MRPL52: variants seen among roughly 807,000 people sequenced by gnomAD.
MRPL52 encodes large ribosomal subunit protein mL52.
MRPL52 carries 19 observed loss-of-function variants against 22.1 expected under a neutral mutation model. The observed-to-expected ratio is 0.86, with a 90% CI of 0.60 to 1.26. The LOEUF (loss-of-function observed/expected upper bound fraction) is 1.26, where lower values mean the gene tolerates loss of function less well. MRPL52 is among the 50% of genes most tolerant of loss of function. The pLI is 0.00. For synonymous variants in MRPL52, 50 were observed against 57.5 expected (o/e 0.87, Z 0.59); for missense variants, 152 against 148.1 (o/e 1.03, Z -0.14).
intron 3 of MRPL52, chr14:22,831,279 A>AT (rs200349955): frequency 0.021 from 7,515 of 360,760 alleles, 4 homozygotes; most frequent in Middle Eastern, 0.027. Context: ...TTCCTGGCTA[A>AT]TTTTTTTTTT....
chr14:22,832,330 TC>T (rs1244785863), intron 3 of MRPL52, among the ~76,000 whole-genome samples: 3 of 151,930 alleles, frequency 2.0e-5, no homozygotes, highest in Non-Finnish European at 4.4e-5. Context: ...CTTAAGAGTT[TC>T]TGGTTTTTTT....
chr14:22,830,152 G>T, intron 2 of MRPL52, 35 bp from the exon 3 acceptor site: 1 of 1,614,182 alleles, frequency 6.2e-7, no homozygotes, highest in Non-Finnish European at 8.5e-7. Context: ...CAGAAGCTGG[G>T]CTAGGTCCTC....
At chr14:22,830,733 AG>A in intron 3 of MRPL52, 1 of 459,782 alleles carries the variant, frequency 2.2e-6, no homozygotes, top group Non-Finnish European at 3.8e-6. Flanking sequence ...CAAAAGAGAG[AG>A]GGAGGGAGAA....
In MRPL52 at chr14:22,830,303, A is replaced by G. The variant is rs772532390; in HGVS notation, c.154+49A>G. On this transcript the variant is annotated intron_variant, in intron 3 of 4. Transcript: ENST00000397496. ...CTCCACTGGGGAGATTTTCACCTAG[A>G]GGGAACGCCCCTGGACGGGGAGCTG... The G allele has an allele frequency of 2.5e-6, 4 of 1,599,110 alleles. No homozygotes were observed. The East Asian group carries it at 6.7e-5, about 27-fold the overall frequency.
intron 3 of MRPL52, among the ~76,000 whole-genome samples, chr14:22,832,965 G>T (rs1225068694): frequency 6.6e-6 from 1 of 152,012 alleles, no homozygotes; most frequent in Non-Finnish European, 1.5e-5. Context: ...GGATCACGAG[G>T]TCAAGAGATC....
rs2039668323 is a variant in MRPL52, at chr14:22,833,460, A to G, written c.197A>G (p.Lys66Arg). 3.7e-6 allele frequency: 6 copies of G among 1,613,806 alleles called. No homozygotes were observed. In the South Asian group the frequency reaches 4.4e-5, roughly 12 times the overall value. The change falls in exon 4 of 5, where the codon AAA becomes AGA. Residue 66 changes from lysine (K) to arginine (R), a missense_variant. Coordinates refer to ENST00000397496, the MANE Select transcript of MRPL52 (RefSeq NM_180982.3). ...CCAATGAAAGGCCAGCTTCGAAGAA[A>G]AGCTGAAAGGGAGACGTTTGCAGTG... The part of the protein sequence containing the change: ...APPMKGQLRR[K>R]AERETFARRV...
In MRPL52 at chr14:22,829,926, G is replaced by A. The variant is rs1135641; in HGVS notation, c.14G>A (p.Gly5Glu). The A allele has an allele frequency of 6.2e-7, 1 of 1,602,300 alleles. No individual in the cohort carries two copies. The highest frequency in any genetic ancestry group is 8.5e-7 in the Non-Finnish European group (1 of 1,174,018). The change falls in exon 1 of 5, where the codon GGG becomes GAG. Residue 5 changes from glycine to glutamate, a missense_variant. Transcript: ENST00000397496. ...CTCCTGCTCAGCATGGCTGCTTTAG[G>A]GACTGTTCTCTTCAGTGAGTGGGTA... MAAL[G>E]TVLFSVRRLH...
At position 22,833,215 on chromosome 14, in the gene MRPL52, T is replaced by G. The variant is rs1351949802; in HGVS notation, c.155-203T>G. 4 of 523,908 alleles carry G rather than the reference T, an allele frequency of 7.6e-6. No individual in the cohort carries two copies. The African/African-American group carries it at 7.8e-5, about 10-fold the overall frequency. 32.5% of individuals were successfully genotyped at this position (523,908 alleles called of 1,614,324 possible). ...AATGAAATAAAATGAAATAGAGTAG[T>G]AATATGTCTAGGAGCTTATTCTGGG... is the stretch of plus-strand genomic sequence containing the variant. On this transcript the variant is annotated intron_variant, in intron 3 of 4. Coordinates refer to ENST00000397496, the MANE Select transcript of MRPL52 (RefSeq NM_180982.3).
At chr14:22,830,892 A>C (rs2039593498) in intron 3 of MRPL52, 1 of 1,092,392 alleles carries the variant, frequency 9.2e-7, no homozygotes, top group Non-Finnish European at 1.3e-6. Context: ...CAAATCCAGG[A>C]CTAGAACATA....
chr14:22,834,118 A>G, intron 4 of MRPL52, 54 bp from the exon 5 acceptor site: 1 of 1,579,448 alleles, frequency 6.3e-7, no homozygotes, highest in Non-Finnish European at 8.6e-7. Flanking sequence ...AAGGATATAT[A>G]GTATAGCGCT....
At chr14:22,831,085 C>T (rs1300380823) in intron 3 of MRPL52, 5 of 461,120 alleles carry the variant, frequency 1.1e-5, no homozygotes, top group African/African-American at 9.0e-5. Context: ...ATTGGAAAGA[C>T]TCTGGAATTA....
intron 3 of MRPL52, 62 bp downstream of exon 3, chr14:22,830,316 G>A (rs760780535): frequency 1.4e-5 from 22 of 1,572,598 alleles, no homozygotes; most frequent in South Asian, 4.4e-5. Context: ...GAACGCCCCT[G>A]GACGGGGAGC....
chr14:22,829,966 G>A (rs1194439748), intron 1 of MRPL52, 26 bp downstream of exon 1: 2 of 1,611,910 alleles, frequency 1.2e-6, no homozygotes, highest in Admixed American at 3.4e-5. Context: ...TAGGGACCGT[G>A]GACTCGGGGG....
chr14:22,834,243 G>A lies in MRPL52; in HGVS notation c.291G>A (p.Leu97=). ...LQAWQLRQQK[L]QEEQRKQENA... is the part of the protein sequence containing the mutation. ...CATGGCAGCTCAGGCAGCAGAAGTT[G>A]CAGGAAGAACAAAGGAAGCAGGAAA... The change falls in exon 5 of 5, where the codon TTG becomes TTA. Residue 97 remains leucine, a synonymous_variant. Coordinates refer to ENST00000397496, the MANE Select transcript of MRPL52 (RefSeq NM_180982.3). 1 of 1,614,210 alleles carries A rather than the reference G, an allele frequency of 6.2e-7. No individual in the cohort carries two copies.
At position 22,834,364 on chromosome 14, in the gene MRPL52, C is replaced by A. The variant is rs1348425317; in HGVS notation, c.*43C>A. On this transcript the variant is annotated 3_prime_UTR_variant, in exon 5 of 5. Coordinates refer to ENST00000397496, the MANE Select transcript of MRPL52 (RefSeq NM_180982.3). ...CCTTCCTCACCCTGTCTCTGGATTTCTTTTCTATCACCTAGATGCTTCATC... is the reference window on the plus strand; with the variant it reads ...CCTTCCTCACCCTGTCTCTGGATTTATTTTCTATCACCTAGATGCTTCATC... 8.3e-6 allele frequency: 13 copies of A among 1,574,744 alleles called. No individual in the cohort carries two copies. Among genetic ancestry groups the A allele is most frequent in the Non-Finnish European group, 1.1e-5 (13 of 1,162,396 alleles).
At position 22,835,006 on chromosome 14, in the gene MRPL52, C is replaced by T. The variant is rs1253476580; in HGVS notation, c.*685C>T. On this transcript the variant is annotated 3_prime_UTR_variant, in exon 5 of 5. Coordinates refer to ENST00000397496, the MANE Select transcript of MRPL52 (RefSeq NM_180982.3). ...CATGCACAGTTTAGGCCATGTACAGCTGGCATCTAATAAATGTTTTCATGA... is the reference window on the plus strand; with the variant it reads ...CATGCACAGTTTAGGCCATGTACAGTTGGCATCTAATAAATGTTTTCATGA... 1 of 152,232 alleles carries T rather than the reference C, an allele frequency of 6.6e-6. No homozygotes were observed. The highest frequency in any genetic ancestry group is 1.5e-5 in the Non-Finnish European group (1 of 68,058). 9.4% of individuals were successfully genotyped at this position (152,232 alleles called of 1,614,324 possible).
intron 3 of MRPL52, chr14:22,830,965 G>A (rs1319442050): frequency 6.5e-7 from 1 of 1,529,218 alleles, no homozygotes; most frequent in African/African-American, 1.4e-5. Flanking sequence ...GCTCTCTAGG[G>A]GTATGATCCT....
At chr14:22,831,900 G>A (rs1458266115) in intron 3 of MRPL52, 1 of 152,130 alleles carries the variant, frequency 6.6e-6, no homozygotes, top group Admixed American at 6.5e-5. Context: ...CCAGATACTC[G>A]GGAGGCTGAG....
intron 4 of MRPL52, 96 bp downstream of exon 4, chr14:22,833,578 C>T (rs969527613): frequency 2.4e-6 from 2 of 826,040 alleles, no homozygotes; most frequent in Admixed American, 2.6e-5. Context: ...AACATGTACC[C>T]CTCATACAGA....
Sources: gnomAD v4.1 joint callset for allele counts (sites outside exome capture counted in the v4.1 genomes callset) on GRCh38, gnomAD v4.1.1 for gene constraint, MANE v1.5 for transcripts, NCBI Gene and HGNC (gene_info 2026-07-23, HGNC 2026-07-21) for gene names.